Variants in SLC4A1AP observed in about 807,000 individuals in gnomAD.
The protein encoded by SLC4A1AP is solute carrier family 4 member 1 adaptor protein, also known as kanadaptin.
A neutral mutation model predicts 89.7 loss-of-function variants in SLC4A1AP; 64 were observed. That is an observed-to-expected ratio of 0.71 (90% CI 0.58 to 0.88). The LOEUF is 0.88. SLC4A1AP is among the 40% of genes least tolerant of loss of function. The pLI is 0.00. For synonymous variants in SLC4A1AP, 366 were observed against 353.3 expected, an observed-to-expected ratio of 1.04 and a Z score of -0.40; for missense variants, 931 against 965.0, an observed-to-expected ratio of 0.96 and a Z score of 0.47.
chr2:27,683,491 C>T (rs899835036), intron 9 of SLC4A1AP, among the ~76,000 whole-genome samples: 1 of 152,160 alleles, frequency 6.6e-6, no homozygotes. Flanking sequence ...GGCCATCCCT[C>T]TGTGCACTTG....
intron 9 of SLC4A1AP, among the ~76,000 whole-genome samples, chr2:27,682,717 C>G (rs964068108): frequency 7.9e-5 from 12 of 151,906 alleles, no homozygotes; most frequent in African/African-American, 2.9e-4. Context: ...TAGGATGGGA[C>G]TTCACCATGT....
intron 8 of SLC4A1AP, among the ~76,000 whole-genome samples, 190 bp downstream of exon 8, chr2:27,678,114 A>C (rs1675554620): frequency 1.3e-5 from 2 of 152,228 alleles, no homozygotes; most frequent in Admixed American, 1.3e-4. Context: ...ATATAGACTG[A>C]TAGAGGATTT....
intron 5 of SLC4A1AP, among the ~76,000 whole-genome samples, chr2:27,673,990 TTGTGTG>T (rs56759152): frequency 0.024 from 3,517 of 148,494 alleles, 134 homozygotes; most frequent in African/African-American, 0.077. Flanking sequence ...CATATACAAG[TTGTGTG>T]TGTGTGTGTG....
chr2:27,684,631 TAA>T (rs1343543011), intron 9 of SLC4A1AP, among the ~76,000 whole-genome samples: 2 of 152,206 alleles, frequency 1.3e-5, no homozygotes, highest in African/African-American at 2.4e-5. Context: ...GAAATTACGC[TAA>T]GTCTAAAATG....
chr2:27,693,667 T>C lies in SLC4A1AP; in HGVS notation c.2272-18T>C, dbSNP rs750314504. 6.3e-7 allele frequency: 1 copy of C among 1,575,376 alleles called. No individual in the cohort carries two copies. Among genetic ancestry groups the C allele is most frequent in the Admixed American group, 1.8e-5 (1 of 55,252 alleles). On this transcript the variant is annotated intron_variant, in intron 12 of 13. Coordinates refer to ENST00000613058, the Ensembl canonical transcript of SLC4A1AP. ...AGAGAAATTCTTGTGAATAAAACAATCCATCTTTTCTTTTTAGCTTCCACC... is the reference window on the plus strand; with the variant it reads ...AGAGAAATTCTTGTGAATAAAACAACCCATCTTTTCTTTTTAGCTTCCACC...
At chr2:27,682,052 CTG>C (rs1212494488) in intron 8 of SLC4A1AP, among the ~76,000 whole-genome samples, 194 bp from the exon 9 acceptor site, 5 of 152,188 alleles carry the variant, frequency 3.3e-5, no homozygotes, top group Non-Finnish European at 5.9e-5. Context: ...AGCTCTGTGT[CTG>C]TGACAGTCAG....
At chr2:27,675,755 A>G in intron 6 of SLC4A1AP, 63 bp downstream of exon 6, 1 of 1,052,732 alleles carries the variant, frequency 9.5e-7, no homozygotes, top group South Asian at 2.6e-5. Flanking sequence ...AACATAATGT[A>G]TTATTTAAAT....
At chr2:27,675,864 A>G (rs1675513130) in intron 6 of SLC4A1AP, among the ~76,000 whole-genome samples, 172 bp downstream of exon 6, 1 of 152,196 alleles carries the variant, frequency 6.6e-6, no homozygotes, top group Non-Finnish European at 1.5e-5. Context: ...AACTAGTCTT[A>G]TCCAAGTTGT....
chr2:27,686,921 A>G lies in SLC4A1AP; in HGVS notation c.2117-1013A>G, dbSNP rs570525733. ...CTTACTTTGTTACCCAGGTTGGAGT[A>G]CTGTGGTGTGATCTTGGCTCTCTGA... is the stretch of plus-strand genomic sequence containing the variant. On this transcript the variant is annotated intron_variant, in intron 10 of 13. Transcript: ENST00000613058. 2.0e-5 allele frequency among the ~76,000 whole-genome samples: 3 copies of G among 152,264 alleles called. No individual in the cohort carries two copies. In the East Asian group the frequency reaches 5.8e-4, roughly 29 times the overall value.
chr2:27,689,674 T>G (rs1675757158), intron 12 of SLC4A1AP, among the ~76,000 whole-genome samples: 1 of 152,208 alleles, frequency 6.6e-6, no homozygotes, highest in African/African-American at 2.4e-5. Flanking sequence ...CTACCAAAAT[T>G]CAGACTTCCA....
intron 12 of SLC4A1AP, chr2:27,692,451 G>A (rs1383530890): frequency 6.6e-6 from 1 of 152,188 alleles, no homozygotes; most frequent in East Asian, 1.9e-4. Flanking sequence ...AGGCACTGAT[G>A]AGAAGATTGT....
In SLC4A1AP at chr2:27,682,233, A is replaced by G; in HGVS notation, c.1764-15A>G. ...CTCCCTGGAATAGATGTGTATAATT[A>G]TTCTTTCTTCCTAGGACTGAAACTC... On this transcript the variant is annotated splice_polypyrimidine_tract_variant and intron_variant, in intron 8 of 13. Transcript: ENST00000613058. The G allele has an allele frequency of 1.3e-6, 2 of 1,561,422 alleles. No homozygotes were observed.
At chr2:27,687,140 C>T (rs1157262767) in intron 10 of SLC4A1AP, among the ~76,000 whole-genome samples, 4 of 151,644 alleles carry the variant, frequency 2.6e-5, no homozygotes, top group East Asian at 1.9e-4. Context: ...TTTTTTTTTC[C>T]TATGCCTTAG....
At chr2:27,668,596 C>T (rs1675371735) in intron 3 of SLC4A1AP, 4 of 646,010 alleles carry the variant, frequency 6.2e-6, no homozygotes, top group South Asian at 3.0e-5. Context: ...ACAAAAGTCA[C>T]GTACCATCAT....
At chr2:27,680,062 G>A (rs903955369) in intron 8 of SLC4A1AP, among the ~76,000 whole-genome samples, 2 of 152,166 alleles carry the variant, frequency 1.3e-5, no homozygotes, top group Non-Finnish European at 2.9e-5. Context: ...CGGTGACTGG[G>A]GGGTGGGAGG....
At position 27,687,921 on chromosome 2, in the gene SLC4A1AP, T is replaced by C. The variant is rs76179146; in HGVS notation, c.2117-13T>C. Reference sequence around the variant, plus strand: ...TAAATCATGACAATATGATTTGATATTGCTTTTTATAGAAAACATGTCTCA... The same window carrying C: ...TAAATCATGACAATATGATTTGATACTGCTTTTTATAGAAAACATGTCTCA... On this transcript the variant is annotated splice_polypyrimidine_tract_variant and intron_variant, in intron 10 of 13. Transcript: ENST00000613058. The C allele has an allele frequency of 1.3e-3, 2,030 of 1,601,182 alleles. 26 individuals are homozygous for C. The African/African-American group carries it at 0.022, about 18-fold the overall frequency.
chr2:27,684,460 T>C (rs1044611743), intron 9 of SLC4A1AP, among the ~76,000 whole-genome samples: 1 of 151,866 alleles, frequency 6.6e-6, no homozygotes, highest in East Asian at 1.9e-4. Context: ...AACCAAGATA[T>C]GCTTTGGTTC....
chr2:27,694,150 A>G (rs1161232058), intron 13 of SLC4A1AP, among the ~76,000 whole-genome samples: 2 of 152,192 alleles, frequency 1.3e-5, no homozygotes, highest in East Asian at 3.8e-4. Flanking sequence ...TGTTTTCCTC[A>G]CAAGACAACC....
intron 12 of SLC4A1AP, chr2:27,691,437 T>TCTTTTCTTA (rs1017313313): frequency 1.3e-5 from 2 of 152,140 alleles, no homozygotes; most frequent in African/African-American, 2.4e-5. Flanking sequence ...CTTCTTTTCT[T>TCTTTTCTTA]GTCTAATCTA....
Sources: allele counts gnomAD v4.1 joint callset (sites outside exome capture counted in the v4.1 genomes callset), GRCh38; gene constraint gnomAD v4.1.1; transcripts MANE v1.5; gene names NCBI Gene and HGNC (gene_info 2026-07-23, HGNC 2026-07-21).